Variants in ITPKB observed in about 807,000 individuals in gnomAD.
ITPKB encodes the protein IP3 3-kinase B.
Under a neutral mutation model 69.4 loss-of-function variants are expected in ITPKB, and 13 were observed. The ratio of observed to expected loss-of-function variants is 0.19; its 90% CI spans 0.12 to 0.30. ITPKB has a LOEUF of 0.30. ITPKB is among the 10% of genes least tolerant of loss of function. The pLI is 1.00. For missense variants in ITPKB, 1,240 were observed against 1,250.5 expected, an observed-to-expected ratio of 0.99 and a Z score of 0.13; for synonymous variants, 584 against 513.7, an observed-to-expected ratio of 1.14 and a Z score of -1.85.
At chr1:226,649,900 A>G (rs1306668953) in intron 2 of ITPKB, among the ~76,000 whole-genome samples, 2 of 152,228 alleles carry the variant, frequency 1.3e-5, no homozygotes, top group Admixed American at 6.5e-5. Flanking sequence ...GTGAACTTTA[A>G]TAAGAACAGG....
chr1:226,675,265 T>A (rs1196380497), intron 2 of ITPKB, among the ~76,000 whole-genome samples: 1 of 152,102 alleles, frequency 6.6e-6, no homozygotes, highest in Non-Finnish European at 1.5e-5. Context: ...AAACGCTCGC[T>A]TGAAACAGGA....
At chr1:226,669,905 G>A (rs1432651138) in intron 2 of ITPKB, among the ~76,000 whole-genome samples, 3 of 149,434 alleles carry the variant, frequency 2.0e-5, no homozygotes, top group African/African-American at 7.4e-5. Context: ...ATGTTGTCTC[G>A]AACTGTCGCC....
intron 2 of ITPKB, among the ~76,000 whole-genome samples, chr1:226,699,791 T>C (rs1460867026): frequency 2.6e-5 from 4 of 152,064 alleles, no homozygotes; most frequent in African/African-American, 9.7e-5. Flanking sequence ...ATTCTATTAG[T>C]CAGGGTTCTC....
At chr1:226,656,285 G>A (rs1319190437) in intron 2 of ITPKB, among the ~76,000 whole-genome samples, 1 of 152,176 alleles carries the variant, frequency 6.6e-6, no homozygotes, top group African/African-American at 2.4e-5. Context: ...GGCTGGGCAG[G>A]TGCCAAGCCT....
At chr1:226,675,322 C>A (rs544856621) in intron 2 of ITPKB, among the ~76,000 whole-genome samples, 1 of 152,268 alleles carries the variant, frequency 6.6e-6, no homozygotes, top group Non-Finnish European at 1.5e-5. Context: ...AAGAAGCCGG[C>A]CACACTGGGA....
In ITPKB at chr1:226,663,530, A is replaced by T. The variant is rs1025531900; in HGVS notation, c.1933-14759T>A. Among the ~76,000 whole-genome samples the T allele has an allele frequency of 5.9e-4, 90 of 151,884 alleles. 1 individual carries two copies. The highest frequency in any genetic ancestry group is 9.2e-4 in the Admixed American group (14 of 15,252). On this transcript the variant is annotated intron_variant, in intron 2 of 7. Coordinates refer to ENST00000429204, the MANE Select transcript of ITPKB (RefSeq NM_002221.4). ...TTCTTTTCTTTTTTTTTTATGAGAC[A>T]GGGTCTTGTTCTGTCACCCAGGCTG...
intron 2 of ITPKB, among the ~76,000 whole-genome samples, chr1:226,732,179 G>C (rs1435243747): frequency 6.6e-6 from 1 of 151,336 alleles, no homozygotes; most frequent in Non-Finnish European, 1.5e-5. Context: ...TGAAGCCAAG[G>C]GTTTTGTATT....
At chr1:226,681,652 T>C (rs1656096389) in intron 2 of ITPKB, among the ~76,000 whole-genome samples, 1 of 152,220 alleles carries the variant, frequency 6.6e-6, no homozygotes, top group Non-Finnish European at 1.5e-5. Context: ...CCAATTTGCA[T>C]ATTTTTGCAT....
chr1:226,664,460 G>C lies in ITPKB; in HGVS notation c.1933-15689C>G, dbSNP rs186389518. Reference sequence around the variant, plus strand: ...CTGTGTGCCGGGCAGTACACGTATCGTGGTGGGACGAGGGGAGAGCCTTGG... The same window carrying C: ...CTGTGTGCCGGGCAGTACACGTATCCTGGTGGGACGAGGGGAGAGCCTTGG... On this transcript the variant is annotated intron_variant, in intron 2 of 7. Coordinates refer to ENST00000429204, the MANE Select transcript of ITPKB (RefSeq NM_002221.4). Among the ~76,000 whole-genome samples the C allele has an allele frequency of 1.7e-3, 257 of 152,320 alleles. 2 individuals are homozygous for C. The highest frequency in any genetic ancestry group is 6.0e-3 in the African/African-American group (250 of 41,566).
At chr1:226,646,903 CG>C (rs1286660720) in intron 4 of ITPKB, among the ~76,000 whole-genome samples, 1 of 152,238 alleles carries the variant, frequency 6.6e-6, no homozygotes, top group Non-Finnish European at 1.5e-5. Flanking sequence ...AGAACCCAGC[CG>C]GTGCCCTTTT....
intron 2 of ITPKB, among the ~76,000 whole-genome samples, chr1:226,677,437 C>T (rs1285004928): frequency 6.6e-6 from 1 of 152,176 alleles, no homozygotes; most frequent in African/African-American, 2.4e-5. Context: ...CAGAGAGAGA[C>T]AGCAGAGGGG....
chr1:226,730,931 A>C (rs1657571471), intron 2 of ITPKB, among the ~76,000 whole-genome samples: 1 of 152,224 alleles, frequency 6.6e-6, no homozygotes, highest in South Asian at 2.1e-4. Context: ...ATTTCTCTAA[A>C]AACACCGACT....
chr1:226,707,867 G>A (rs1456004132), intron 2 of ITPKB: 1 of 1,296,328 alleles, frequency 7.7e-7, no homozygotes, highest in South Asian at 1.3e-5. Flanking sequence ...TCTTGGTATT[G>A]GACGTTGCCC....
intron 2 of ITPKB, among the ~76,000 whole-genome samples, chr1:226,713,110 A>T (rs1199777875): frequency 6.6e-6 from 1 of 152,162 alleles, no homozygotes; most frequent in Non-Finnish European, 1.5e-5. Context: ...ATACACACAT[A>T]TACACACACA....
intron 2 of ITPKB, among the ~76,000 whole-genome samples, chr1:226,666,867 C>T (rs1286154568): frequency 6.6e-6 from 1 of 152,128 alleles, no homozygotes. Flanking sequence ...GACCACAGAC[C>T]ACACATGGAC....
intron 2 of ITPKB, among the ~76,000 whole-genome samples, chr1:226,716,068 C>T (rs892688211): frequency 6.6e-6 from 1 of 152,254 alleles, no homozygotes; most frequent in East Asian, 1.9e-4. Flanking sequence ...ACCTCGGCCT[C>T]CCAAAGTGCT....
At chr1:226,685,118 C>A (rs75096940) in intron 2 of ITPKB, among the ~76,000 whole-genome samples, 1 of 152,206 alleles carries the variant, frequency 6.6e-6, no homozygotes. Context: ...AGCCCTTCAA[C>A]GGGAACAACA....
In ITPKB at chr1:226,634,962, G is replaced by A; in HGVS notation, c.2626-76C>T. On this transcript the variant is annotated intron_variant, in intron 7 of 7. Coordinates refer to ENST00000429204, the MANE Select transcript of ITPKB (RefSeq NM_002221.4). The surrounding 1 kb of genome is among the most constrained non-coding windows in gnomAD (Gnocchi z 6.3). ...CCCCACTGCGGCCCGGGGCCTGGGT[G>A]ACCAGGTGGGGAGGCTCGCTCAGGC... 8.6e-7 allele frequency: 1 copy of A among 1,163,328 alleles called. No individual in the cohort carries two copies. The highest frequency in any genetic ancestry group is 1.2e-6 in the Non-Finnish European group (1 of 809,200). 72.1% of individuals were successfully genotyped at this position (1,163,328 alleles called of 1,614,324 possible).
intron 2 of ITPKB, among the ~76,000 whole-genome samples, chr1:226,689,610 T>TGTGC (rs1553255323): frequency 1.3e-4 from 19 of 147,406 alleles, no homozygotes; most frequent in African/African-American, 4.5e-4. Flanking sequence ...TGTGTGTGTG[T>TGTGC]GTGCATGCAT....
Sources: gnomAD v4.1 joint callset for allele counts (sites outside exome capture counted in the v4.1 genomes callset) on GRCh38, gnomAD v4.1.1 for gene constraint, Gnocchi (gnomAD v3.1) non-coding constraint, MANE v1.5 for transcripts, NCBI Gene and HGNC (gene_info 2026-07-23, HGNC 2026-07-21) for gene names.